Variants in HS6ST3 observed in about 807,000 individuals in gnomAD.
HS6ST3 encodes heparan-sulfate 6-O-sulfotransferase 3.
A neutral mutation model predicts 36.7 loss-of-function variants in HS6ST3; 12 were observed. The ratio of observed to expected loss-of-function variants is 0.33; its 90% confidence interval spans 0.21 to 0.53. The LOEUF is 0.53. HS6ST3 is among the 20% of genes least tolerant of loss of function. The pLI, the probability that HS6ST3 is intolerant of heterozygous loss-of-function variation, is 0.95. For missense variants in HS6ST3, 584 were observed against 640.9 expected (o/e 0.91, Z 0.96); for synonymous variants, 240 against 257.5 (o/e 0.93, Z 0.65).
chr13:96,110,799 G>A (rs1040191965), intron 1 of HS6ST3, among the ~76,000 whole-genome samples: 1 of 152,158 alleles, frequency 6.6e-6, no homozygotes, highest in African/African-American at 2.4e-5. Context: ...GGAAATGGTT[G>A]AATTATAAAG....
intron 1 of HS6ST3, among the ~76,000 whole-genome samples, chr13:96,369,205 G>A (rs931982632): frequency 6.6e-6 from 1 of 151,966 alleles, no homozygotes; most frequent in African/African-American, 2.4e-5. Context: ...TCCATTAGTG[G>A]GGTCACGCCC....
chr13:96,740,188 G>A (rs1421158693), intron 1 of HS6ST3, among the ~76,000 whole-genome samples: 1 of 152,062 alleles, frequency 6.6e-6, no homozygotes, highest in Non-Finnish European at 1.5e-5. Flanking sequence ...ACTCCTTCAA[G>A]GTACGTGATA....
At chr13:96,216,536 G>A (rs9302097) in intron 1 of HS6ST3, among the ~76,000 whole-genome samples, 74,829 of 152,046 alleles carry the variant, frequency 0.49, 18,622 homozygotes, top group Admixed American at 0.58. Flanking sequence ...ACAAAGAAGT[G>A]TAAGTAAGAG....
chr13:96,695,881 G>T (rs955277787), intron 1 of HS6ST3, among the ~76,000 whole-genome samples: 3 of 151,976 alleles, frequency 2.0e-5, no homozygotes, highest in Non-Finnish European at 4.4e-5. Flanking sequence ...CAAAAATAAG[G>T]GGTTAAAGAA....
chr13:96,487,602 T>C (rs1000360585), intron 1 of HS6ST3, among the ~76,000 whole-genome samples: 3 of 152,122 alleles, frequency 2.0e-5, no homozygotes, highest in African/African-American at 7.2e-5. Flanking sequence ...CCCATTTATA[T>C]TTCCACATTC....
chr13:96,330,482 C>A (rs1251000403), intron 1 of HS6ST3, among the ~76,000 whole-genome samples: 1 of 150,148 alleles, frequency 6.7e-6, no homozygotes, highest in African/African-American at 2.4e-5. Flanking sequence ...GTTGAAAATT[C>A]TTTTCTTTAA....
At chr13:96,281,197 G>A (rs1216523496) in intron 1 of HS6ST3, among the ~76,000 whole-genome samples, 1 of 152,004 alleles carries the variant, frequency 6.6e-6, no homozygotes, top group African/African-American at 2.4e-5. Context: ...GTAGAGACGG[G>A]GTTTTACCAT....
intron 1 of HS6ST3, among the ~76,000 whole-genome samples, chr13:96,258,844 G>A (rs1346249404): frequency 6.6e-6 from 1 of 152,162 alleles, no homozygotes; most frequent in Non-Finnish European, 1.5e-5. Flanking sequence ...GATGAACGTA[G>A]CATGATCTCT....
chr13:96,257,192 G>T (rs1202301828), intron 1 of HS6ST3, among the ~76,000 whole-genome samples: 1 of 152,100 alleles, frequency 6.6e-6, no homozygotes, highest in Non-Finnish European at 1.5e-5. Flanking sequence ...AGATTAATGG[G>T]TTTAACAAGA....
intron 1 of HS6ST3, among the ~76,000 whole-genome samples, chr13:96,473,819 G>A (rs1446089375): frequency 6.6e-6 from 1 of 152,216 alleles, no homozygotes; most frequent in Non-Finnish European, 1.5e-5. Context: ...AGCACAGGCT[G>A]CAGAGGGATT....
At chr13:96,260,474 G>A (rs568434503) in intron 1 of HS6ST3, among the ~76,000 whole-genome samples, 17 of 151,432 alleles carry the variant, frequency 1.1e-4, no homozygotes, top group Non-Finnish European at 1.5e-5. Context: ...ACAACACCCA[G>A]CTAATTTTTA....
chr13:96,554,679 G>T (rs774232321), intron 1 of HS6ST3, among the ~76,000 whole-genome samples: 1 of 152,072 alleles, frequency 6.6e-6, no homozygotes, highest in Non-Finnish European at 1.5e-5. Context: ...CTTCCTCCAG[G>T]CATGGAGCCT....
At chr13:96,796,966 T>A (rs1406791660) in intron 1 of HS6ST3, among the ~76,000 whole-genome samples, 1 of 152,012 alleles carries the variant, frequency 6.6e-6, no homozygotes, top group African/African-American at 2.4e-5. Flanking sequence ...TGACTACCAC[T>A]TGCCAGGCAT....
At chr13:96,758,947 C>T (rs572816062) in intron 1 of HS6ST3, among the ~76,000 whole-genome samples, 1 of 151,862 alleles carries the variant, frequency 6.6e-6, no homozygotes, top group East Asian at 1.9e-4. Flanking sequence ...CTGAATTTCT[C>T]TATTTTTCCC....
At position 96,148,814 on chromosome 13, in the gene HS6ST3, G is replaced by T. The variant is rs139864400; in HGVS notation, c.707+57245G>T. Among the ~76,000 whole-genome samples the T allele has an allele frequency of 3.2e-3, 486 of 152,278 alleles. 2 individuals carry two copies. Among genetic ancestry groups the T allele is most frequent in the African/African-American group, 0.011 (477 of 41,568 alleles). On this transcript the variant is annotated intron_variant, in intron 1 of 1. Coordinates refer to ENST00000376705, the MANE Select transcript of HS6ST3 (RefSeq NM_153456.4). ...GTCCAAGAGTAAAGATTCGGAATTA[G>T]AGTAAGCATTAAACCAGAAATAAGG...
chr13:96,440,052 G>C (rs1267483797), intron 1 of HS6ST3, among the ~76,000 whole-genome samples: 3 of 152,224 alleles, frequency 2.0e-5, no homozygotes, highest in African/African-American at 7.2e-5. Flanking sequence ...ATACCAGTAA[G>C]TATTCTTTGG....
chr13:96,290,471 A>G (rs2054824237), intron 1 of HS6ST3, among the ~76,000 whole-genome samples: 1 of 152,160 alleles, frequency 6.6e-6, no homozygotes, highest in African/African-American at 2.4e-5. Flanking sequence ...GGTAGATTTA[A>G]TATTCAGGGC....
chr13:96,558,123 A>G (rs2056248237), intron 1 of HS6ST3, among the ~76,000 whole-genome samples: 1 of 151,860 alleles, frequency 6.6e-6, no homozygotes, highest in Non-Finnish European at 1.5e-5. Context: ...TTTTATCTCT[A>G]TCTTCTCCTC....
intron 1 of HS6ST3, among the ~76,000 whole-genome samples, chr13:96,375,913 G>A (rs1229623687): frequency 1.3e-5 from 2 of 152,128 alleles, no homozygotes; most frequent in Admixed American, 6.5e-5. Context: ...ATATTTCAAC[G>A]ATAATTTAAG....
Sources: gnomAD v4.1 joint callset for allele counts (sites outside exome capture counted in the v4.1 genomes callset) on GRCh38, gnomAD v4.1.1 for gene constraint, MANE v1.5 for transcripts, NCBI Gene and HGNC (gene_info 2026-07-23, HGNC 2026-07-21) for gene names.